SLC35B3: variants seen among roughly 807,000 people sequenced by gnomAD.
SLC35B3 encodes the protein adenosine 3'-phospho 5'-phosphosulfate transporter 2.
Under a neutral mutation model 44.1 loss-of-function variants are expected in SLC35B3, and 35 were observed. The observed-to-expected ratio is 0.79, with a 90% CI of 0.61 to 1.05. SLC35B3 has a LOEUF of 1.05. Ranked by LOEUF, SLC35B3 falls within the 50% of genes least tolerant of loss-of-function variation. The pLI is 0.00. For missense variants in SLC35B3, 414 were observed against 476.4 expected (o/e 0.87, Z 1.22); for synonymous variants, 146 against 167.3 (o/e 0.87, Z 0.98).
Position 8,435,125 on chromosome 6 carries a change from G to A in SLC35B3, c.-44+218C>T, listed in dbSNP as rs1764360880. 9 of 1,266,742 alleles carry A rather than the reference G, an allele frequency of 7.1e-6. No individual in the cohort carries two copies. Among genetic ancestry groups the A allele is most frequent in the Non-Finnish European group, 9.2e-6 (9 of 977,728 alleles). 78.5% of individuals were successfully genotyped at this position (1,266,742 alleles called of 1,614,324 possible). Reference sequence around the variant, plus strand: ...CCTGAGGGAGTTCTCGCCAGCCCGAGGGCGAAAAACGGGCGAGGAGGAACA... The same window carrying A: ...CCTGAGGGAGTTCTCGCCAGCCCGAAGGCGAAAAACGGGCGAGGAGGAACA... On this transcript the variant is annotated intron_variant, in intron 1 of 10. Coordinates refer to ENST00000644923, the MANE Select transcript of SLC35B3 (RefSeq NM_001370476.2). The surrounding 1 kb of genome is among the most constrained non-coding windows in gnomAD (Gnocchi z 5.5).
rs1053602786 is a variant in SLC35B3, at chr6:8,432,502, A to G, written c.3+1883T>C. 2.6e-5 allele frequency among the ~76,000 whole-genome samples: 4 copies of G among 152,130 alleles called. No homozygotes were observed. The highest frequency in any genetic ancestry group is 5.9e-5 in the Non-Finnish European group (4 of 68,020). On this transcript the variant is annotated intron_variant, in intron 2 of 10. Transcript: ENST00000644923. This position sits in a 1 kb window ranked among gnomAD's most constrained non-coding sequence, Gnocchi z 4.8. ...ACTCAATACAATTATAGGTAATAGT[A>G]TAAGAAAGCAGTATAGCATAATGCT...
chr6:8,421,979 C>G (rs1223557013), intron 5 of SLC35B3, among the ~76,000 whole-genome samples: 3 of 149,370 alleles, frequency 2.0e-5, no homozygotes, highest in Non-Finnish European at 1.5e-5. Context: ...ACTTCAGAAA[C>G]TAAGGCATAT....
Position 8,417,415 on chromosome 6 carries a change from G to A in SLC35B3, c.860C>T (p.Thr287Ile). Reference sequence around the variant, plus strand: ...ATTAGTGTTTACCTTTGCACAAAATGTTACTGCAGGGCCTAATCCACTAGT... The same window carrying A: ...ATTAGTGTTTACCTTTGCACAAAATATTACTGCAGGGCCTAATCCACTAGT... Residue 287 changes from threonine (T) to isoleucine (I), a missense_variant, in exon 8 of 11, where the codon ACA becomes ATA. Transcript: ENST00000644923. The A allele has an allele frequency of 2.5e-6, 4 of 1,588,034 alleles. No individual in the cohort carries two copies. The highest frequency in any genetic ancestry group is 3.4e-6 in the Non-Finnish European group (4 of 1,167,684).
intron 4 of SLC35B3, 49 bp from the exon 4 acceptor site, chr6:8,422,673 T>C (rs377036830): frequency 1.1e-4 from 161 of 1,411,890 alleles, no homozygotes; most frequent in Middle Eastern, 1.8e-4. Context: ...CAATTCATAC[T>C]ACTAAAAGAT....
intron 8 of SLC35B3, 81 bp from the exon 8 acceptor site, chr6:8,417,076 A>T: frequency 1.4e-6 from 1 of 715,156 alleles, no homozygotes; most frequent in Non-Finnish European, 2.3e-6. Context: ...TACAGATGTT[A>T]ATCAACTTCT....
In SLC35B3 at chr6:8,429,785, T is replaced by G. The variant is rs557401727; in HGVS notation, c.297+79A>C. 23 of 1,076,252 alleles carry G rather than the reference T, an allele frequency of 2.1e-5. 1 individual carries two copies. The South Asian group carries it at 3.9e-4, about 18-fold the overall frequency. 66.7% of individuals were successfully genotyped at this position (1,076,252 alleles called of 1,614,324 possible). ...GCCAGTATCCCCTAAGTGACTATCTTGGGCAAAACTAGTAAATGCCCATAC... is the reference window on the plus strand; with the variant it reads ...GCCAGTATCCCCTAAGTGACTATCTGGGGCAAAACTAGTAAATGCCCATAC... On this transcript the variant is annotated intron_variant, in intron 3 of 10. Transcript: ENST00000644923.
intron 4 of SLC35B3, among the ~76,000 whole-genome samples, chr6:8,425,618 A>G (rs1156665826): frequency 1.3e-5 from 2 of 152,194 alleles, no homozygotes; most frequent in Non-Finnish European, 2.9e-5. Flanking sequence ...GAAACCTGTA[A>G]TATAGATTTA....
At position 8,423,852 on chromosome 6, in the gene SLC35B3, G is replaced by A. The variant is rs151205781; in HGVS notation, c.420-1228C>T. 5.9e-3 allele frequency among the ~76,000 whole-genome samples: 902 copies of A among 152,284 alleles called. 14 individuals are homozygous for A. The highest frequency in any genetic ancestry group is 0.021 in the African/African-American group (858 of 41,552). ...CAACTTGGCATGCCCATATGCATCA[G>A]TGTAAATGCGTTCATGCCATCCATG... is the stretch of plus-strand genomic sequence containing the variant. On this transcript the variant is annotated intron_variant, in intron 4 of 10. Coordinates refer to ENST00000644923, the MANE Select transcript of SLC35B3 (RefSeq NM_001370476.2).
chr6:8,413,439 A>AATGGGT lies in SLC35B3; in HGVS notation c.*109_*110insACCCAT, dbSNP rs1175741161. ...CAACTTCATATGAAATCTGTCCACA[A>AATGGGT]ATGGGATAGCAATGCCTCCAGATCC... On this transcript the variant is annotated 3_prime_UTR_variant, in exon 11 of 11. Transcript: ENST00000644923. 1.1e-6 allele frequency: 1 copy of AATGGGT among 918,590 alleles called. No homozygotes were observed. Among genetic ancestry groups the AATGGGT allele is most frequent in the African/African-American group, 1.7e-5 (1 of 57,530 alleles). 56.9% of individuals were successfully genotyped at this position (918,590 alleles called of 1,614,324 possible).
chr6:8,433,607 T>C lies in SLC35B3; in HGVS notation c.3+778A>G, dbSNP rs1764198492. 6.6e-6 allele frequency among the ~76,000 whole-genome samples: 1 copy of C among 152,196 alleles called. No individual in the cohort carries two copies. Among genetic ancestry groups the C allele is most frequent in the Non-Finnish European group, 1.5e-5 (1 of 68,044 alleles). The stretch of plus-strand genomic sequence containing the variant: ...GGCCATATGTGCAGAATGAAATCTC[T>C]CTAGCACTGTCTTTTCTACATGTAT... On this transcript the variant is annotated intron_variant, in intron 2 of 10. Coordinates refer to ENST00000644923, the MANE Select transcript of SLC35B3 (RefSeq NM_001370476.2). The surrounding 1 kb of genome is among the most constrained non-coding windows in gnomAD (Gnocchi z 4.1).
At chr6:8,431,442 G>A (rs1398834872) in intron 2 of SLC35B3, among the ~76,000 whole-genome samples, 1 of 152,102 alleles carries the variant, frequency 6.6e-6, no homozygotes, top group African/African-American at 2.4e-5. Flanking sequence ...ATTTACAGAG[G>A]TTAACCAGGT....
intron 5 of SLC35B3, 67 bp downstream of exon 4, chr6:8,422,403 C>T (rs1195637493): frequency 1.7e-6 from 2 of 1,174,548 alleles, no homozygotes; most frequent in Admixed American, 2.2e-5. Context: ...TAATGTTTTT[C>T]CTAATGCTAG....
intron 4 of SLC35B3, among the ~76,000 whole-genome samples, chr6:8,427,323 T>C (rs1409565039): frequency 6.6e-6 from 1 of 152,082 alleles, no homozygotes; most frequent in Non-Finnish European, 1.5e-5. Context: ...CCAGGAAGCC[T>C]AGGAGGAAAG....
At position 8,411,678 on chromosome 6, in the gene SLC35B3, C is replaced by G. The variant is rs1252959316; in HGVS notation, c.*1871G>C. 6.6e-6 allele frequency among the ~76,000 whole-genome samples: 1 copy of G among 152,140 alleles called. No homozygotes were observed. Among genetic ancestry groups the G allele is most frequent in the African/African-American group, 2.4e-5 (1 of 41,428 alleles). ...TCCGAATTCCTCATGCTGGACCCCTCCATGATACAGGCTCTGTTGTACCTG... is the reference window on the plus strand; with the variant it reads ...TCCGAATTCCTCATGCTGGACCCCTGCATGATACAGGCTCTGTTGTACCTG... On this transcript the variant is annotated 3_prime_UTR_variant, in exon 11 of 11. Coordinates refer to ENST00000644923, the MANE Select transcript of SLC35B3 (RefSeq NM_001370476.2).
intron 4 of SLC35B3, among the ~76,000 whole-genome samples, chr6:8,426,756 T>C (rs1448750726): frequency 2.0e-5 from 3 of 152,072 alleles, no homozygotes; most frequent in Non-Finnish European, 4.4e-5. Flanking sequence ...GGAAGCAACT[T>C]TGGAACTGGG....
chr6:8,419,600 T>G lies in SLC35B3; in HGVS notation c.760A>C (p.Asn254His), dbSNP rs776282547. 6.4e-7 allele frequency: 1 copy of G among 1,556,368 alleles called. No homozygotes were observed. The highest frequency in any genetic ancestry group is 1.8e-5 in the Admixed American group (1 of 56,184). The change falls in exon 7 of 11, where the codon AAT becomes CAT. Residue 254 changes from asparagine to histidine, a missense_variant. Coordinates refer to ENST00000644923, the MANE Select transcript of SLC35B3 (RefSeq NM_001370476.2). This position sits in a 1 kb window ranked among gnomAD's most constrained non-coding sequence, Gnocchi z 4.3. Reference sequence around the variant, plus strand: ...TTTACCATTTCAGAATTAGAAGCATTATGAAGTTTCATAGCTTTCTCTTGA... The same window carrying G: ...TTTACCATTTCAGAATTAGAAGCATGATGAAGTTTCATAGCTTTCTCTTGA...
In SLC35B3 at chr6:8,412,144, G is replaced by A. The variant is rs147886888; in HGVS notation, c.*1405C>T. Among the ~76,000 whole-genome samples the A allele has an allele frequency of 8.4e-3, 1,281 of 152,268 alleles. 20 individuals are homozygous for A. Among genetic ancestry groups the A allele is most frequent in the African/African-American group, 0.029 (1,192 of 41,548 alleles). ...GCCCTTCATCATATAAGGACATAATGAGAAGGCTCCTTCTGTGAACCAGAA... is the reference window on the plus strand; with the variant it reads ...GCCCTTCATCATATAAGGACATAATAAGAAGGCTCCTTCTGTGAACCAGAA... On this transcript the variant is annotated 3_prime_UTR_variant, in exon 11 of 11. Transcript: ENST00000644923.
intron 2 of SLC35B3, among the ~76,000 whole-genome samples, chr6:8,430,608 G>A (rs999822278): frequency 1.2e-4 from 19 of 152,212 alleles, no homozygotes; most frequent in Non-Finnish European, 2.2e-4. Context: ...GGCCAGGTGT[G>A]GTGGCTCATG....
intron 5 of SLC35B3, 72 bp downstream of exon 4, chr6:8,422,398 T>A: frequency 8.8e-7 from 1 of 1,141,204 alleles, no homozygotes; most frequent in East Asian, 2.4e-5. Context: ...AAGTTTAATG[T>A]TTTTCCTAAT....
Sources: allele counts gnomAD v4.1 joint callset (sites outside exome capture counted in the v4.1 genomes callset), GRCh38; gene constraint gnomAD v4.1.1; non-coding constraint Gnocchi (gnomAD v3.1); transcripts MANE v1.5; gene names NCBI Gene and HGNC (gene_info 2026-07-23, HGNC 2026-07-21).